GUCY1A2: variants seen among roughly 807,000 people sequenced by gnomAD.
GUCY1A2 encodes the protein guanylate cyclase 1 soluble subunit alpha 2, also known as guanylate cyclase soluble subunit alpha-2.
In GUCY1A2, 27 loss-of-function variants were observed where a neutral mutation model predicts 63.5. The ratio of observed to expected loss-of-function variants is 0.43; its 90% confidence interval spans 0.31 to 0.59. The LOEUF (loss-of-function observed/expected upper bound fraction) is 0.59. Ranked by LOEUF, GUCY1A2 falls within the 20% of genes least tolerant of loss-of-function variation. The pLI is 0.11. For missense variants in GUCY1A2, 768 were observed against 913.3 expected, an observed-to-expected ratio of 0.84 and a Z score of 2.05; for synonymous variants, 364 against 343.5, an observed-to-expected ratio of 1.06 and a Z score of -0.66.
intron 1 of GUCY1A2, among the ~76,000 whole-genome samples, chr11:107,014,079 C>CT (rs71044206): frequency 0.13 from 9,360 of 70,154 alleles, 2,241 homozygotes; most frequent in Non-Finnish European, 0.17. Flanking sequence ...CCATGTTTTC[C>CT]TTTTTTTTTT....
At chr11:106,854,673 G>A (rs2135452775) in intron 4 of GUCY1A2, among the ~76,000 whole-genome samples, 1 of 152,314 alleles carries the variant, frequency 6.6e-6, no homozygotes, top group East Asian at 1.9e-4. Context: ...TGTGGTAGTG[G>A]TGGCAGCTAT....
intron 4 of GUCY1A2, among the ~76,000 whole-genome samples, chr11:106,913,635 A>G (rs1024698713): frequency 3.3e-5 from 5 of 152,114 alleles, no homozygotes; most frequent in African/African-American, 1.2e-4. Flanking sequence ...TATTCAAACT[A>G]TAGCACACAT....
chr11:106,826,374 C>T, intron 4 of GUCY1A2: 1 of 1,526,820 alleles, frequency 6.5e-7, no homozygotes, highest in Non-Finnish European at 8.9e-7. Flanking sequence ...TTATATGATT[C>T]TTGAAGAAAT....
intron 3 of GUCY1A2, among the ~76,000 whole-genome samples, chr11:106,970,158 C>T (rs1200127958): frequency 4.6e-5 from 7 of 152,010 alleles, no homozygotes; most frequent in South Asian, 4.2e-4. Context: ...GAGAGCATAA[C>T]GATATTAACA....
intron 4 of GUCY1A2, among the ~76,000 whole-genome samples, chr11:106,876,077 G>A (rs1287961096): frequency 6.6e-6 from 1 of 151,982 alleles, no homozygotes; most frequent in Non-Finnish European, 1.5e-5. Flanking sequence ...TATTCAGTCT[G>A]ATGTCAGTAT....
chr11:106,943,140 C>G (rs1860773079), intron 3 of GUCY1A2, among the ~76,000 whole-genome samples: 2 of 152,252 alleles, frequency 1.3e-5, no homozygotes, highest in South Asian at 4.1e-4. Flanking sequence ...TACAAATATA[C>G]AAGTCAATAG....
chr11:106,873,944 G>C, intron 4 of GUCY1A2, among the ~76,000 whole-genome samples: 1 of 152,046 alleles, frequency 6.6e-6, no homozygotes, highest in African/African-American at 2.4e-5. Context: ...CCTCTGCCTA[G>C]CGTGCTCTTT....
intron 4 of GUCY1A2, among the ~76,000 whole-genome samples, chr11:106,886,337 G>A (rs940942861): frequency 3.3e-5 from 5 of 152,088 alleles, no homozygotes; most frequent in African/African-American, 1.2e-4. Context: ...ATGGGGAAAA[G>A]TTACAGGCTA....
chr11:106,908,514 A>G (rs1371810926), intron 4 of GUCY1A2, among the ~76,000 whole-genome samples: 2 of 151,944 alleles, frequency 1.3e-5, no homozygotes, highest in African/African-American at 4.8e-5. Context: ...TTGGAGTGAG[A>G]GCCGGTGACA....
At chr11:106,732,401 C>A (rs780400106) in intron 6 of GUCY1A2, among the ~76,000 whole-genome samples, 19 of 152,062 alleles carry the variant, frequency 1.2e-4, no homozygotes, top group Non-Finnish European at 2.5e-4. Flanking sequence ...TTTTTATATT[C>A]ATATTCTTCA....
intron 6 of GUCY1A2, among the ~76,000 whole-genome samples, chr11:106,776,200 T>G (rs192955161): frequency 1.3e-5 from 2 of 152,266 alleles, no homozygotes; most frequent in East Asian, 3.9e-4. Context: ...GGGTCTAATC[T>G]TTTAGCTCTT....
chr11:106,743,207 C>T (rs1863728791), intron 6 of GUCY1A2, among the ~76,000 whole-genome samples: 1 of 152,126 alleles, frequency 6.6e-6, no homozygotes, highest in South Asian at 2.1e-4. Flanking sequence ...TGGTCACCTC[C>T]TAACTGATCT....
At chr11:106,886,259 A>G (rs931010732) in intron 4 of GUCY1A2, among the ~76,000 whole-genome samples, 6 of 152,158 alleles carry the variant, frequency 3.9e-5, no homozygotes, top group African/African-American at 1.4e-4. Flanking sequence ...AAAGTCTTCC[A>G]TCCTTTCCTC....
chr11:106,891,012 T>A (rs1235892655), intron 4 of GUCY1A2, among the ~76,000 whole-genome samples: 3 of 152,170 alleles, frequency 2.0e-5, no homozygotes, highest in African/African-American at 7.2e-5. Context: ...AATTGTTAGG[T>A]CATAGGGTAG....
intron 5 of GUCY1A2, among the ~76,000 whole-genome samples, chr11:106,799,319 G>A (rs1864826062): frequency 6.6e-6 from 1 of 152,122 alleles, no homozygotes; most frequent in South Asian, 2.1e-4. Context: ...TGGCCATACT[G>A]CCCGAGGTAA....
intron 4 of GUCY1A2, among the ~76,000 whole-genome samples, chr11:106,919,683 G>A (rs1860416219): frequency 6.6e-6 from 1 of 152,064 alleles, no homozygotes; most frequent in Admixed American, 6.6e-5. Flanking sequence ...AAAAGAGGTA[G>A]AAGAGTATTT....
At chr11:106,900,305 T>C (rs933998567) in intron 4 of GUCY1A2, among the ~76,000 whole-genome samples, 6 of 152,100 alleles carry the variant, frequency 3.9e-5, no homozygotes. Flanking sequence ...TACCTCAGCC[T>C]CCTGGGTAGC....
chr11:106,970,324 CA>C (rs761221395), intron 3 of GUCY1A2, among the ~76,000 whole-genome samples: 1 of 152,044 alleles, frequency 6.6e-6, no homozygotes, highest in Non-Finnish European at 1.5e-5. Context: ...TGTTACTAAG[CA>C]AAAGAGAAAG....
chr11:106,896,216 A>G (rs910285609), intron 4 of GUCY1A2, among the ~76,000 whole-genome samples: 1 of 152,038 alleles, frequency 6.6e-6, no homozygotes, highest in African/African-American at 2.4e-5. Flanking sequence ...AAAGAAGAAA[A>G]ACATCACATG....
Sources: gnomAD v4.1 joint callset for allele counts (sites outside exome capture counted in the v4.1 genomes callset) on GRCh38, gnomAD v4.1.1 for gene constraint, MANE v1.5 for transcripts, NCBI Gene and HGNC (gene_info 2026-07-23, HGNC 2026-07-21) for gene names.